The following UMAD1 variants were observed in gnomAD, a reference collection of about 807,000 sequenced individuals.
UMAD1 encodes the protein UBAP1-MVB12-associated (UMA) domain containing 1, also known as UBAP1-MVB12-associated (UMA)-domain containing protein 1.
Under a neutral mutation model 6.1 loss-of-function variants are expected in UMAD1, and 8 were observed. That is an observed-to-expected ratio of 1.30 (90% confidence interval 0.76 to 2.35). The LOEUF (loss-of-function observed/expected upper bound fraction) is 2.35. UMAD1 is among the 30% of genes most tolerant of loss of function. The pLI is 0.00. For missense variants in UMAD1, 130 were observed against 78.4 expected, an observed-to-expected ratio of 1.66 and a Z score of -2.49; for synonymous variants, 56 against 31.4, an observed-to-expected ratio of 1.78 and a Z score of -2.61.
intron 3 of UMAD1, among the ~76,000 whole-genome samples, chr7:7,831,781 G>A (rs1346055039): frequency 2.0e-5 from 3 of 152,098 alleles, no homozygotes; most frequent in Non-Finnish European, 4.4e-5. Flanking sequence ...TCAGGATCAC[G>A]ATGAAAGGTA....
At chr7:7,745,808 C>T (rs1201729303) in intron 2 of UMAD1, among the ~76,000 whole-genome samples, 11 of 152,198 alleles carry the variant, frequency 7.2e-5, no homozygotes, top group Non-Finnish European at 1.3e-4. Flanking sequence ...CATTCCCCCT[C>T]ATTGGAGCTC....
intron 3 of UMAD1, among the ~76,000 whole-genome samples, chr7:7,851,410 T>C (rs1783914136): frequency 6.6e-6 from 1 of 152,242 alleles, no homozygotes; most frequent in Non-Finnish European, 1.5e-5. Context: ...TTCAATTTTT[T>C]TGATACATAC....
chr7:7,813,149 C>T lies in UMAD1; in HGVS notation c.156+11406C>T, dbSNP rs112785307. ...TTATACTTTAGCTTAGTACAATTTA[C>T]GTAGATTTTCCATTTTTCTCCAGGC... On this transcript the variant is annotated intron_variant, in intron 3 of 3. Transcript: ENST00000682710. Among the ~76,000 whole-genome samples, 23 of 152,244 alleles carry T rather than the reference C, an allele frequency of 1.5e-4. 1 individual carries two copies. Among genetic ancestry groups the T allele is most frequent in the African/African-American group, 5.5e-4 (23 of 41,544 alleles).
intron 2 of UMAD1, chr7:7,689,580 A>T (rs377569897): frequency 2.0e-5 from 3 of 152,126 alleles, no homozygotes; most frequent in African/African-American, 4.8e-5. Context: ...ATCTCCCTGG[A>T]TAATCTTTTC....
chr7:7,800,643 G>A (rs932267231), intron 2 of UMAD1, among the ~76,000 whole-genome samples: 1 of 152,048 alleles, frequency 6.6e-6, no homozygotes, highest in Non-Finnish European at 1.5e-5. Context: ...CTTATCAACA[G>A]GCTTATATTA....
At chr7:7,720,735 T>C (rs1052155422) in intron 2 of UMAD1, among the ~76,000 whole-genome samples, 2 of 152,220 alleles carry the variant, frequency 1.3e-5, no homozygotes, top group African/African-American at 4.8e-5. Context: ...GGCATTTTAC[T>C]GAAGAATTAA....
chr7:7,766,600 A>G (rs1358159020), intron 2 of UMAD1, among the ~76,000 whole-genome samples: 1 of 152,212 alleles, frequency 6.6e-6, no homozygotes, highest in African/African-American at 2.4e-5. Context: ...TCTTTAGGCA[A>G]TCTACAGTTT....
At chr7:7,702,884 C>A (rs1160723822) in intron 2 of UMAD1, among the ~76,000 whole-genome samples, 1 of 152,174 alleles carries the variant, frequency 6.6e-6, no homozygotes, top group Admixed American at 6.5e-5. Context: ...TATTGCTTCA[C>A]CCACCTGTAC....
intron 2 of UMAD1, among the ~76,000 whole-genome samples, chr7:7,738,095 T>TA (rs1488582765): frequency 1.6e-5 from 2 of 126,958 alleles, no homozygotes; most frequent in African/African-American, 6.6e-5. Flanking sequence ...AACGGGTATA[T>TA]TTTTTTTGAA....
At chr7:7,873,952 C>G (rs1255007261) in intron 3 of UMAD1, among the ~76,000 whole-genome samples, 1 of 152,202 alleles carries the variant, frequency 6.6e-6, no homozygotes, top group African/African-American at 2.4e-5. Flanking sequence ...CAGATCTCGT[C>G]CAGCTGCAGA....
intron 3 of UMAD1, among the ~76,000 whole-genome samples, chr7:7,818,318 C>T (rs1195252326): frequency 1.3e-5 from 2 of 152,106 alleles, no homozygotes; most frequent in African/African-American, 4.8e-5. Context: ...TGGTCTTGTT[C>T]TTTTTTATGG....
intron 3 of UMAD1, among the ~76,000 whole-genome samples, chr7:7,875,374 C>G (rs545518173): frequency 3.9e-5 from 6 of 152,094 alleles, no homozygotes; most frequent in South Asian, 4.2e-4. Context: ...ACATGAAAAA[C>G]CCTTCAAAAA....
intron 3 of UMAD1, among the ~76,000 whole-genome samples, chr7:7,823,573 T>C (rs1435189506): frequency 6.6e-6 from 1 of 152,122 alleles, no homozygotes; most frequent in East Asian, 1.9e-4. Flanking sequence ...TGTCCACATG[T>C]CTTTTGGGAG....
In UMAD1 at chr7:7,821,179, C is replaced by G. The variant is rs576743040; in HGVS notation, c.156+19436C>G. 7.9e-4 allele frequency among the ~76,000 whole-genome samples: 121 copies of G among 152,228 alleles called. 2 individuals carry two copies. The highest frequency in any genetic ancestry group is 2.8e-3 in the African/African-American group (118 of 41,550). On this transcript the variant is annotated intron_variant, in intron 3 of 3. Coordinates refer to ENST00000682710, the MANE Select transcript of UMAD1 (RefSeq NM_001302348.2). Reference sequence around the variant, plus strand: ...AGTAATTAAAACAAAGCTTTCCCCCCACCCCCAAGTTTGTGAAATTTTAAG... The same window carrying G: ...AGTAATTAAAACAAAGCTTTCCCCCGACCCCCAAGTTTGTGAAATTTTAAG...
At chr7:7,748,067 G>A (rs1781606824) in intron 2 of UMAD1, among the ~76,000 whole-genome samples, 1 of 151,160 alleles carries the variant, frequency 6.6e-6, no homozygotes, top group Non-Finnish European at 1.5e-5. Flanking sequence ...CTCCTGAGTA[G>A]CTGGGACTAC....
intron 2 of UMAD1, chr7:7,676,096 C>A: frequency 2.5e-6 from 1 of 398,668 alleles, no homozygotes; most frequent in Non-Finnish European, 4.4e-6. Context: ...CTTCCTTCTT[C>A]CGCAGAAGCA....
At chr7:7,696,587 G>C (rs1289089841) in intron 2 of UMAD1, among the ~76,000 whole-genome samples, 1 of 152,136 alleles carries the variant, frequency 6.6e-6, no homozygotes, top group African/African-American at 2.4e-5. Context: ...AGTGTCAACT[G>C]TCTGAAATTT....
intron 3 of UMAD1, among the ~76,000 whole-genome samples, chr7:7,805,572 T>G (rs1222511383): frequency 6.6e-6 from 1 of 152,146 alleles, no homozygotes; most frequent in Non-Finnish European, 1.5e-5. Flanking sequence ...ACATCACTCC[T>G]TGGCTTAAAA....
chr7:7,673,867 A>T (rs1194851956), intron 2 of UMAD1, among the ~76,000 whole-genome samples: 1 of 152,242 alleles, frequency 6.6e-6, no homozygotes, highest in Non-Finnish European at 1.5e-5. Flanking sequence ...AGACTTTAAA[A>T]TCTAAATATG....
Sources: gnomAD v4.1 joint callset for allele counts (sites outside exome capture counted in the v4.1 genomes callset) on GRCh38, gnomAD v4.1.1 for gene constraint, MANE v1.5 for transcripts, NCBI Gene and HGNC (gene_info 2026-07-23, HGNC 2026-07-21) for gene names.